The following RBFOX1 variants were observed in gnomAD, a reference collection of about 807,000 sequenced individuals.
The protein encoded by RBFOX1 is RNA binding protein fox-1 homolog 1.
Under a neutral mutation model 57.7 loss-of-function variants are expected in RBFOX1, and 8 were observed. The observed-to-expected ratio is 0.14, with a 90% confidence interval of 0.08 to 0.25. RBFOX1 has a LOEUF of 0.25. RBFOX1 is among the 10% of genes least tolerant of loss of function. The pLI is 1.00. For missense variants in RBFOX1, 611 were observed against 548.5 expected (o/e 1.11, Z -1.14); for synonymous variants, 326 against 222.4 (o/e 1.47, Z -4.15).
chr16:6,172,764 C>T (rs904955711), intron 1 of RBFOX1, among the ~76,000 whole-genome samples: 8 of 152,188 alleles, frequency 5.3e-5, no homozygotes, highest in South Asian at 2.1e-4. Context: ...TTGTGTTTTC[C>T]AATGCTGCAT....
chr16:6,895,486 A>ATATATATATATATG lies in RBFOX1; in HGVS notation c.-15-156570_-15-156569insATATATATATATGT, dbSNP rs1231560510. Among the ~76,000 whole-genome samples, 221 of 91,718 alleles carry ATATATATATATATG rather than the reference A, an allele frequency of 2.4e-3. 3 individuals carry two copies. The highest frequency in any genetic ancestry group is 3.8e-3 in the Non-Finnish European group (171 of 45,018). 60.2% of individuals were successfully genotyped at this position (91,718 alleles called of 152,430 possible). ...TATATATATATATATATATATATATATTTATTCCCCTATTGGATAACAAGC... is the reference window on the plus strand; with the variant it reads ...TATATATATATATATATATATATATATATATATATATATGTTTATTCCCCTATTGGATAACAAGC... On this transcript the variant is annotated intron_variant, in intron 3 of 15. Transcript: ENST00000550418.
At chr16:7,381,989 C>T (rs184664888) in intron 4 of RBFOX1, among the ~76,000 whole-genome samples, 1 of 152,272 alleles carries the variant, frequency 6.6e-6, no homozygotes, top group African/African-American at 2.4e-5. Flanking sequence ...CTTTGAGAAT[C>T]CTGCTTTTAC....
At chr16:7,186,267 C>CATAAACATATTTATATAAAT (rs1567617574) in intron 4 of RBFOX1, among the ~76,000 whole-genome samples, 274 of 76,328 alleles carry the variant, frequency 3.6e-3, no homozygotes, top group Non-Finnish European at 5.0e-3. Flanking sequence ...TTTATATAAA[C>CATAAACATATTTATATAAAT]ATAAACATAA....
At chr16:7,280,917 C>T (rs1482838534) in intron 4 of RBFOX1, among the ~76,000 whole-genome samples, 1 of 151,660 alleles carries the variant, frequency 6.6e-6, no homozygotes, top group Non-Finnish European at 1.5e-5. Flanking sequence ...GGCAGCTACT[C>T]TGGGCCTCTT....
intron 1 of RBFOX1, among the ~76,000 whole-genome samples, chr16:5,329,873 G>T (rs930978755): frequency 2.0e-5 from 3 of 151,984 alleles, no homozygotes; most frequent in African/African-American, 4.8e-5. Flanking sequence ...GTGATGGCAG[G>T]CACCTGTAGT....
chr16:6,508,264 A>G (rs2096161382), intron 2 of RBFOX1, among the ~76,000 whole-genome samples: 1 of 152,110 alleles, frequency 6.6e-6, no homozygotes, highest in Non-Finnish European at 1.5e-5. Flanking sequence ...ACTAATGGGT[A>G]CTAGCCTTAT....
intron 2 of RBFOX1, among the ~76,000 whole-genome samples, chr16:6,577,824 AAAAT>A (rs1567748158): frequency 6.6e-6 from 1 of 152,184 alleles, no homozygotes; most frequent in Non-Finnish European, 1.5e-5. Context: ...GCTCAGGAAA[AAAAT>A]AAACCAGATA....
intron 1 of RBFOX1, among the ~76,000 whole-genome samples, chr16:5,325,387 AC>A (rs1358855911): frequency 6.6e-6 from 1 of 152,214 alleles, no homozygotes; most frequent in Non-Finnish European, 1.5e-5. Context: ...TTGTGTGAAA[AC>A]TAAATTTAGT....
At position 6,719,938 on chromosome 16, in the gene RBFOX1, C is replaced by G. The variant is rs192761578; in HGVS notation, c.-16+65288C>G. ...TGAAAACCCATCTCTACTAAAAATA[C>G]AAGAAATTAGCCGGGGGTGATGGCA... is the stretch of plus-strand genomic sequence containing the variant. On this transcript the variant is annotated intron_variant, in intron 3 of 15. Transcript: ENST00000550418. Among the ~76,000 whole-genome samples, 95 of 151,778 alleles carry G rather than the reference C, an allele frequency of 6.3e-4. 2 individuals are homozygous for G. The highest frequency in any genetic ancestry group is 2.2e-3 in the African/African-American group (92 of 41,412).
chr16:6,555,129 AC>A (rs1395104436), intron 2 of RBFOX1, among the ~76,000 whole-genome samples: 1 of 152,162 alleles, frequency 6.6e-6, no homozygotes, highest in African/African-American at 2.4e-5. Context: ...TATGTCTCAT[AC>A]TTTTTATGTC....
intron 3 of RBFOX1, among the ~76,000 whole-genome samples, chr16:5,842,897 C>T (rs1278120763): frequency 2.0e-5 from 3 of 152,200 alleles, no homozygotes; most frequent in African/African-American, 7.2e-5. Flanking sequence ...TGGCTCACTG[C>T]AACCTCCGCC....
At chr16:6,521,639 G>T (rs975884092) in intron 2 of RBFOX1, among the ~76,000 whole-genome samples, 3 of 151,682 alleles carry the variant, frequency 2.0e-5, no homozygotes, top group African/African-American at 7.3e-5. Context: ...ATGTTTCAAA[G>T]AAATACTTGT....
At chr16:6,946,283 A>G (rs1223073808) in intron 3 of RBFOX1, among the ~76,000 whole-genome samples, 4 of 152,238 alleles carry the variant, frequency 2.6e-5, no homozygotes, top group African/African-American at 9.6e-5. Context: ...ATAGACAATA[A>G]CATATGGGTG....
intron 5 of RBFOX1, among the ~76,000 whole-genome samples, chr16:7,529,772 G>A (rs1017039984): frequency 2.0e-5 from 3 of 152,092 alleles, no homozygotes; most frequent in Admixed American, 2.0e-4. Flanking sequence ...ACTTTGGGAG[G>A]CTGAGACGGG....
chr16:5,582,998 C>G (rs1269718360), intron 2 of RBFOX1, among the ~76,000 whole-genome samples: 4 of 152,156 alleles, frequency 2.6e-5, no homozygotes, highest in Non-Finnish European at 4.4e-5. Context: ...CATTTAACTT[C>G]TCACTCTGTC....
At chr16:7,378,309 G>A (rs1433495955) in intron 4 of RBFOX1, among the ~76,000 whole-genome samples, 1 of 152,162 alleles carries the variant, frequency 6.6e-6, no homozygotes, top group Non-Finnish European at 1.5e-5. Flanking sequence ...TGGTGATGAC[G>A]AAGCTTCTAT....
chr16:7,499,114 T>C (rs750903770), intron 4 of RBFOX1, among the ~76,000 whole-genome samples: 3 of 152,126 alleles, frequency 2.0e-5, no homozygotes, highest in Admixed American at 6.5e-5. Context: ...AAATAGAAAT[T>C]TACTGGCTCA....
chr16:5,918,474 A>G (rs556702605), intron 4 of RBFOX1, among the ~76,000 whole-genome samples: 4 of 152,282 alleles, frequency 2.6e-5, no homozygotes, highest in Admixed American at 2.6e-4. Flanking sequence ...ATCCCAGAGC[A>G]TGCACCTAGT....
intron 2 of RBFOX1, among the ~76,000 whole-genome samples, chr16:6,518,791 G>C (rs12932557): frequency 0.68 from 95,340 of 139,774 alleles, 31,649 homozygotes; most frequent in Admixed American, 0.74. Context: ...GTCTGTCTGT[G>C]TGTCTGTCTA....
Sources: allele counts gnomAD v4.1 joint callset (sites outside exome capture counted in the v4.1 genomes callset), GRCh38; gene constraint gnomAD v4.1.1; transcripts MANE v1.5; gene names NCBI Gene and HGNC (gene_info 2026-07-23, HGNC 2026-07-21).